PCM1: variants seen among roughly 807,000 people sequenced by gnomAD.
PCM1 encodes the protein pericentriolar material 1 protein.
In PCM1, 157 loss-of-function variants were observed where a neutral mutation model predicts 241.9. The ratio of observed to expected loss-of-function variants is 0.65; its 90% CI spans 0.57 to 0.74. The LOEUF (loss-of-function observed/expected upper bound fraction) is 0.74. Ranked by LOEUF, PCM1 falls within the 30% of genes least tolerant of loss-of-function variation. The pLI is 0.00. For synonymous variants in PCM1, 1,085 were observed against 784.9 expected, an observed-to-expected ratio of 1.38 and a Z score of -6.39; for missense variants, 3,478 against 2,360.1, an observed-to-expected ratio of 1.47 and a Z score of -9.81.
chr8:17,925,326 C>T (rs2056500080), intron 2 of PCM1: 1 of 152,302 alleles, frequency 6.6e-6, no homozygotes, highest in Admixed American at 6.5e-5. Context: ...AAGGTATTCT[C>T]TGTCCAGCAG....
intron 34 of PCM1, chr8:18,013,684 TAAGTGTCTTTTAGAGTCTG>T: frequency 3.6e-6 from 1 of 279,784 alleles, no homozygotes; most frequent in Admixed American, 5.3e-5. Flanking sequence ...TTGTCTGCAT[TAAGTGTCTTTTAGAGTCTG>T]AAAAAAAATG....
At chr8:17,939,310 G>C (rs1334624973) in intron 5 of PCM1, among the ~76,000 whole-genome samples, 1 of 152,038 alleles carries the variant, frequency 6.6e-6, no homozygotes. Context: ...ATTTTTGTAG[G>C]AATTTTTTAA....
intron 13 of PCM1, among the ~76,000 whole-genome samples, chr8:17,959,547 A>G (rs1410838585): frequency 6.6e-6 from 1 of 152,198 alleles, no homozygotes; most frequent in African/African-American, 2.4e-5. Context: ...CAGTTGGTGT[A>G]CATTTTAAAG....
chr8:17,968,254 CAGAG>C (rs2075647186), intron 21 of PCM1, among the ~76,000 whole-genome samples: 1 of 152,044 alleles, frequency 6.6e-6, no homozygotes, highest in African/African-American at 2.4e-5. Flanking sequence ...TGAAGAGTGG[CAGAG>C]AGATTTTATG....
Position 17,937,332 on chromosome 8 carries a change from G to A in PCM1, c.295G>A (p.Glu99Lys). The change falls in exon 4 of 39, where the codon GAA (glutamate) becomes AAA (lysine). Residue 99 changes from glutamate to lysine, a missense_variant. Coordinates refer to ENST00000325083, the MANE Select transcript of PCM1 (RefSeq NM_006197.4). ...MSQMSVPEQA[E>K]LEKLKQRINF... ...TCAGATGTCTGTCCCAGAGCAGGCA[G>A]AATTAGAGAAACTGAAACAGCGGAT... 1 of 1,607,330 alleles carries A rather than the reference G, an allele frequency of 6.2e-7. No individual in the cohort carries two copies. The highest frequency in any genetic ancestry group is 1.7e-4 in the Middle Eastern group (1 of 6,052).
chr8:18,010,592 A>T lies in PCM1; in HGVS notation c.5161-17A>T. 1 of 1,572,618 alleles carries T rather than the reference A, an allele frequency of 6.4e-7. No individual in the cohort carries two copies. Among genetic ancestry groups the T allele is most frequent in the Non-Finnish European group, 8.6e-7 (1 of 1,156,642 alleles). The stretch of plus-strand genomic sequence containing the variant: ...TAAGTATGTTGCTAAATTCTGTGTA[A>T]TTGATTTGTTTTAAAGGCTAAAAGG... On this transcript the variant is annotated splice_polypyrimidine_tract_variant and intron_variant, in intron 31 of 38. Coordinates refer to ENST00000325083, the MANE Select transcript of PCM1 (RefSeq NM_006197.4).
chr8:18,004,717 T>C (rs1397454864), intron 29 of PCM1, among the ~76,000 whole-genome samples: 1 of 152,236 alleles, frequency 6.6e-6, no homozygotes, highest in Non-Finnish European at 1.5e-5. Flanking sequence ...TTCTTGACTC[T>C]CTTTATGTCA....
chr8:17,940,298 T>A, intron 6 of PCM1: 1 of 508,946 alleles, frequency 2.0e-6, no homozygotes, highest in East Asian at 2.9e-5. Context: ...TAATGCTGTA[T>A]GTGTTCTTCT....
At position 17,955,485 on chromosome 8, in the gene PCM1, G is replaced by C. The variant is rs2067888252; in HGVS notation, c.1304G>C (p.Ser435Thr). The C allele has an allele frequency of 6.2e-7, 1 of 1,608,690 alleles. No homozygotes were observed. Among genetic ancestry groups the C allele is most frequent in the African/African-American group, 1.3e-5 (1 of 74,888 alleles). Residue 435 changes from serine (S) to threonine (T), a missense_variant, in exon 10 of 39, where the codon AGT becomes ACT. Transcript: ENST00000325083. The part of the protein sequence containing the change: ...LNNSSSSPQR[S>T]VDQRSTSAPS... ...CCTTCTTCAGCCTCTCCACAAAGGA[G>C]TGTCGATCAGAGAAGTACTTCAGCT...
At chr8:17,942,996 CAAA>C (rs5889754) in intron 6 of PCM1, among the ~76,000 whole-genome samples, 97 of 123,142 alleles carry the variant, frequency 7.9e-4, no homozygotes, top group Non-Finnish European at 8.8e-4. Flanking sequence ...GACTCTGTCT[CAAA>C]AAAAAAAAAA....
intron 3 of PCM1, among the ~76,000 whole-genome samples, chr8:17,936,418 A>C (rs1385953359): frequency 4.6e-5 from 7 of 152,154 alleles, no homozygotes. Context: ...ATAAAGTGGG[A>C]ATTTACAGAC....
In PCM1 at chr8:17,966,429, C is replaced by G. The variant is rs771193843; in HGVS notation, c.3177C>G (p.Asn1059Lys). ...PQVHFIMHQL[N>K]QCYTQLTWQQ... The stretch of plus-strand genomic sequence containing the variant: ...TACACTTCATAATGCACCAGTTGAA[C>G]CAGTGCTATACTCAGCTAACATGGC... The change falls in exon 20 of 39, where the codon AAC (asparagine) becomes AAG (lysine). Residue 1059 changes from asparagine to lysine, a missense_variant. Coordinates refer to ENST00000325083, the MANE Select transcript of PCM1 (RefSeq NM_006197.4). 3 of 1,613,604 alleles carry G rather than the reference C, an allele frequency of 1.9e-6. No homozygotes were observed. The highest frequency in any genetic ancestry group is 1.3e-5 in the African/African-American group (1 of 74,914).
At chr8:17,967,573 G>A (rs150792222) in intron 21 of PCM1, among the ~76,000 whole-genome samples, 154 of 152,322 alleles carry the variant, frequency 1.0e-3, no homozygotes, top group African/African-American at 3.4e-3. Flanking sequence ...CTCCCATGGT[G>A]CTGGGATTAC....
chr8:18,027,362 G>A (rs150132397), intron 38 of PCM1, among the ~76,000 whole-genome samples: 1 of 152,232 alleles, frequency 6.6e-6, no homozygotes, highest in East Asian at 1.9e-4. Flanking sequence ...TCTTTTGTTG[G>A]TGTAGATTTA....
intron 13 of PCM1, 101 bp from the exon 14 acceptor site, chr8:17,959,913 C>G: frequency 8.8e-7 from 1 of 1,139,416 alleles, no homozygotes; most frequent in East Asian, 2.6e-5. Flanking sequence ...CTGCTTTAAT[C>G]TTTTTATGTA....
At chr8:18,006,459 G>A (rs1260908570) in intron 30 of PCM1, 62 bp downstream of exon 30, 30 of 1,089,022 alleles carry the variant, frequency 2.8e-5, no homozygotes, top group Non-Finnish European at 4.1e-5. Context: ...TTTTTTCGGG[G>A]GGTGGGTGAG....
chr8:17,994,484 G>A (rs2085877093), intron 29 of PCM1, among the ~76,000 whole-genome samples: 2 of 152,176 alleles, frequency 1.3e-5, no homozygotes, highest in African/African-American at 4.8e-5. Context: ...GAACAGTACT[G>A]CAACAAACAT....
chr8:18,011,519 T>C (rs1254801972), intron 33 of PCM1, 148 bp from the exon 34 acceptor site: 6 of 1,054,474 alleles, frequency 5.7e-6, no homozygotes, highest in Non-Finnish European at 8.0e-6. Flanking sequence ...ATCTAGACTT[T>C]CTGCACTGTA....
chr8:18,011,989 T>G (rs1429149761), intron 34 of PCM1, among the ~76,000 whole-genome samples, 162 bp downstream of exon 34: 1 of 152,182 alleles, frequency 6.6e-6, no homozygotes, highest in African/African-American at 2.4e-5. Context: ...AACCAGTTTA[T>G]TTTTTATGAT....
Sources: allele counts gnomAD v4.1 joint callset (sites outside exome capture counted in the v4.1 genomes callset), GRCh38; gene constraint gnomAD v4.1.1; transcripts MANE v1.5; gene names NCBI Gene and HGNC (gene_info 2026-07-23, HGNC 2026-07-21).